Variants in DAB1 observed in about 807,000 individuals in gnomAD.
DAB1 encodes disabled homolog 1.
Under a neutral mutation model 64.6 loss-of-function variants are expected in DAB1, and 15 were observed. That is an observed-to-expected ratio of 0.23 (90% CI 0.16 to 0.36). The LOEUF (loss-of-function observed/expected upper bound fraction) is 0.36, where lower values mean the gene tolerates loss of function less well. DAB1 is among the 10% of genes least tolerant of loss of function. The pLI is 1.00. For synonymous variants in DAB1, 235 were observed against 251.9 expected (o/e 0.93, Z 0.64); for missense variants, 596 against 706.7 (o/e 0.84, Z 1.78).
intron 5 of DAB1, among the ~76,000 whole-genome samples, chr1:58,113,549 T>C (rs919284276): frequency 5.3e-5 from 8 of 151,806 alleles, no homozygotes; most frequent in African/African-American, 1.5e-4. Flanking sequence ...GTAATGAGAG[T>C]GTGTGTATGA....
chr1:57,113,813 A>G (rs1343064032), intron 4 of DAB1, among the ~76,000 whole-genome samples: 1 of 152,152 alleles, frequency 6.6e-6, no homozygotes, highest in Non-Finnish European at 1.5e-5. Context: ...TTTAACTACT[A>G]GGTATATATA....
chr1:58,170,155 C>T (rs1036141218), intron 4 of DAB1, among the ~76,000 whole-genome samples: 1 of 152,172 alleles, frequency 6.6e-6, no homozygotes, highest in East Asian at 1.9e-4. Flanking sequence ...TACTGGTCAG[C>T]AAGCCATCCC....
rs1353253071 is a variant in DAB1, at chr1:58,300,592, GAAAGAA to G, written n.309+42754_309+42759del. 2.1e-4 allele frequency among the ~76,000 whole-genome samples: 7 copies of G among 33,898 alleles called. 1 individual carries two copies. The highest frequency in any genetic ancestry group is 6.9e-4 in the African/African-American group (7 of 10,098). 22.2% of individuals were successfully genotyped at this position (33,898 alleles called of 152,430 possible). On this transcript the variant is annotated intron_variant and non_coding_transcript_variant, in intron 4 of 20. Transcript: ENST00000485760. ...AGAAAGAAAGAAAGAAAGAAAGAAAGAAAGAAAGAAAGAAAGAAAGAGAGAGAGAGA... is the reference window on the plus strand; with the variant it reads ...AGAAAGAAAGAAAGAAAGAAAGAAAGAGAAAGAAAGAAAGAGAGAGAGAGA...
upstream of DAB1, among the ~76,000 whole-genome samples, chr1:57,426,619 T>C (rs1360664464): frequency 1.3e-5 from 2 of 152,154 alleles, no homozygotes; most frequent in African/African-American, 4.8e-5. Context: ...CAAAGATGTA[T>C]ATATTGTTTA....
At chr1:57,807,776 G>A (rs1452717544) in intron 6 of DAB1, among the ~76,000 whole-genome samples, 1 of 151,874 alleles carries the variant, frequency 6.6e-6, no homozygotes, top group African/African-American at 2.4e-5. Flanking sequence ...ACACCCCTGA[G>A]ACAGCAAAAC....
chr1:57,566,706 C>G (rs958870110), intron 7 of DAB1, among the ~76,000 whole-genome samples: 5 of 152,066 alleles, frequency 3.3e-5, no homozygotes, highest in Non-Finnish European at 7.4e-5. Flanking sequence ...GACACATACA[C>G]CCTCCCAAGA....
At chr1:58,137,579 A>C (rs1047771298) in intron 5 of DAB1, among the ~76,000 whole-genome samples, 4 of 151,980 alleles carry the variant, frequency 2.6e-5, no homozygotes, top group African/African-American at 9.7e-5. Flanking sequence ...CCCTCTATGC[A>C]TCCAACTATC....
rs1219416835 is a variant in DAB1 at position 57,532,267 on chromosome 1, A to G, written n.625+117325T>C. Among the ~76,000 whole-genome samples, 4 of 151,816 alleles carry G rather than the reference A, an allele frequency of 2.6e-5. No homozygotes were observed. The East Asian group carries it at 7.8e-4, about 30-fold the overall frequency. On this transcript the variant is annotated intron_variant and non_coding_transcript_variant, in intron 7 of 20. Coordinates refer to the DAB1 transcript ENST00000485760. ...CGTGGAGATTCTCAAAGTAAGTATT[A>G]CTCTGCTGTCTTATTGTACAACACA...
At chr1:58,378,633 G>C (rs1644353412) in intron 3 of DAB1, among the ~76,000 whole-genome samples, 1 of 23,822 alleles carries the variant, frequency 4.2e-5, no homozygotes, top group Non-Finnish European at 7.8e-5. Context: ...CTGTCTTTTT[G>C]TTTGTCTGTG....
At chr1:57,259,004 G>A (rs1382977149) in intron 2 of DAB1, among the ~76,000 whole-genome samples, 1 of 152,090 alleles carries the variant, frequency 6.6e-6, no homozygotes, top group African/African-American at 2.4e-5. Context: ...TGCCTGCTTG[G>A]TAGATTTTTG....
chr1:57,449,604 C>G (rs1686276739), intron 7 of DAB1, among the ~76,000 whole-genome samples: 1 of 152,064 alleles, frequency 6.6e-6, no homozygotes, highest in Non-Finnish European at 1.5e-5. Context: ...GTCTCAAACT[C>G]CTGGCCTCAA....
intron 5 of DAB1, among the ~76,000 whole-genome samples, chr1:58,079,693 G>A (rs959328471): frequency 4.0e-5 from 6 of 151,554 alleles, no homozygotes; most frequent in African/African-American, 1.5e-4. Context: ...GCTAATTTTT[G>A]TATTTTTAGT....
intron 1 of DAB1, among the ~76,000 whole-genome samples, chr1:57,881,665 T>A (rs1222093264): frequency 6.6e-6 from 1 of 152,206 alleles, no homozygotes; most frequent in African/African-American, 2.4e-5. Context: ...CCTTTCTCTT[T>A]GAGCACCAAG....
At chr1:57,775,260 T>C (rs1649742682) in intron 6 of DAB1, among the ~76,000 whole-genome samples, 1 of 151,576 alleles carries the variant, frequency 6.6e-6, no homozygotes, top group African/African-American at 2.4e-5. Flanking sequence ...TGGTTTCTGT[T>C]TCACTGATTT....
At chr1:57,349,390 G>T (rs567262697) in intron 1 of DAB1, among the ~76,000 whole-genome samples, 1 of 151,962 alleles carries the variant, frequency 6.6e-6, no homozygotes, top group Non-Finnish European at 1.5e-5. Context: ...TAGCACCCAC[G>T]CTGACTGAGT....
At chr1:57,198,250 A>C (rs476466) in intron 2 of DAB1, among the ~76,000 whole-genome samples, 40,210 of 151,936 alleles carry the variant, frequency 0.26, 5,708 homozygotes, top group Middle Eastern at 0.33. Context: ...CTGTACATTT[A>C]GAAATCACCC....
chr1:58,200,139 G>C (rs1337002296), intron 4 of DAB1, among the ~76,000 whole-genome samples: 1 of 152,140 alleles, frequency 6.6e-6, no homozygotes, highest in Non-Finnish European at 1.5e-5. Context: ...GGCAACTCCT[G>C]ACACATTTGA....
At chr1:58,529,721 A>G (rs866320962) in intron 1 of DAB1, among the ~76,000 whole-genome samples, 12 of 152,212 alleles carry the variant, frequency 7.9e-5, no homozygotes, top group Non-Finnish European at 1.3e-4. Context: ...TTGGATAGAA[A>G]ATATCTACGA....
chr1:57,029,903 G>T (rs1646913838), intron 9 of DAB1, among the ~76,000 whole-genome samples: 1 of 152,152 alleles, frequency 6.6e-6, no homozygotes, highest in Non-Finnish European at 1.5e-5. Context: ...TTGGACTGTG[G>T]ACTTTTGGGT....
Sources: gnomAD v4.1 joint callset for allele counts (sites outside exome capture counted in the v4.1 genomes callset) on GRCh38, gnomAD v4.1.1 for gene constraint, MANE v1.5 for transcripts, NCBI Gene and HGNC (gene_info 2026-07-23, HGNC 2026-07-21) for gene names.